PDE1A: variants seen among roughly 807,000 people sequenced by gnomAD.
PDE1A encodes the protein phosphodiesterase 1A.
PDE1A carries 35 observed loss-of-function variants against 61.7 expected under a neutral mutation model. That is an observed-to-expected ratio of 0.57 (90% CI 0.43 to 0.75). PDE1A has a LOEUF of 0.75. Among genes scored for constraint, PDE1A ranks in the 30% least tolerant of loss-of-function variants. The pLI is 0.00. For missense variants in PDE1A, 597 were observed against 630.6 expected, an observed-to-expected ratio of 0.95 and a Z score of 0.57; for synonymous variants, 232 against 213.2, an observed-to-expected ratio of 1.09 and a Z score of -0.77.
chr2:182,642,126 C>T, the PDE1A span, among the ~76,000 whole-genome samples: 3 of 152,268 alleles, frequency 2.0e-5, no homozygotes, highest in South Asian at 2.1e-4. Context: ...ATATGGAATC[C>T]TGCAAATTAT....
chr2:182,505,241 G>C (rs746534318), intron 2 of PDE1A, among the ~76,000 whole-genome samples: 1 of 152,138 alleles, frequency 6.6e-6, no homozygotes, highest in East Asian at 1.9e-4. Flanking sequence ...CAGTTTTCCT[G>C]GTATATGTGT....
chr2:182,590,790 T>C, the PDE1A span, among the ~76,000 whole-genome samples: 6 of 152,138 alleles, frequency 3.9e-5, no homozygotes, highest in African/African-American at 4.8e-5. Context: ...TTACGTAAAA[T>C]TGAGAAAAGC....
chr2:182,454,092 A>G (rs1411009431), intron 2 of PDE1A, among the ~76,000 whole-genome samples: 5 of 151,962 alleles, frequency 3.3e-5, no homozygotes, highest in African/African-American at 9.7e-5. Flanking sequence ...AAATCAATGT[A>G]CAAAAATCAC....
At chr2:182,218,578 C>T (rs1209034128) in intron 7 of PDE1A, among the ~76,000 whole-genome samples, 2 of 152,074 alleles carry the variant, frequency 1.3e-5, no homozygotes, top group Non-Finnish European at 2.9e-5. Flanking sequence ...CACCCCAGTC[C>T]CTCATAACCA....
the PDE1A span, among the ~76,000 whole-genome samples, chr2:182,694,516 C>T: frequency 1.3e-5 from 2 of 152,114 alleles, no homozygotes; most frequent in Admixed American, 1.3e-4. Flanking sequence ...AAAGGGCAGT[C>T]AGGTTTGAAA....
intron 2 of PDE1A, among the ~76,000 whole-genome samples, chr2:182,469,542 C>T (rs969052274): frequency 2.6e-5 from 4 of 151,932 alleles, no homozygotes; most frequent in African/African-American, 9.7e-5. Context: ...AAAACTTTCT[C>T]CATATCAGCA....
At chr2:182,518,140 T>C (rs984522374) in intron 2 of PDE1A, among the ~76,000 whole-genome samples, 1 of 152,224 alleles carries the variant, frequency 6.6e-6, no homozygotes, top group African/African-American at 2.4e-5. Flanking sequence ...GGATCAAATT[T>C]GTGTCTTATC....
the PDE1A span, among the ~76,000 whole-genome samples, chr2:182,683,461 A>C: frequency 6.6e-6 from 1 of 152,166 alleles, no homozygotes; most frequent in Non-Finnish European, 1.5e-5. Flanking sequence ...GAGTCCAAAA[A>C]ATAAACTCCA....
intron 1 of PDE1A, among the ~76,000 whole-genome samples, chr2:182,308,554 A>G (rs2125938146): frequency 6.6e-6 from 1 of 152,208 alleles, no homozygotes; most frequent in South Asian, 2.1e-4. Context: ...AACCAGGCAG[A>G]ATATTTTATA....
chr2:182,227,094 ATCTG>A (rs889659925), intron 6 of PDE1A, among the ~76,000 whole-genome samples: 2 of 151,976 alleles, frequency 1.3e-5, no homozygotes, highest in African/African-American at 4.8e-5. Context: ...GCAAACCCAA[ATCTG>A]TCTGATTTCA....
chr2:182,167,765 A>G (rs1246913656), downstream of PDE1A: 1 of 368,770 alleles, frequency 2.7e-6, no homozygotes, highest in Non-Finnish European at 3.8e-6. Flanking sequence ...TCTCACTATA[A>G]TATAAACATG....
chr2:182,554,573 C>T, the PDE1A span, among the ~76,000 whole-genome samples: 1 of 152,164 alleles, frequency 6.6e-6, no homozygotes, highest in Non-Finnish European at 1.5e-5. Flanking sequence ...TATTTCATTG[C>T]TTCTACTTGT....
chr2:182,575,554 G>T, the PDE1A span, among the ~76,000 whole-genome samples: 2 of 151,502 alleles, frequency 1.3e-5, no homozygotes, highest in South Asian at 2.1e-4. Context: ...TTGCTAGGGG[G>T]TGATGGTGAG....
At chr2:182,558,046 C>G in the PDE1A span, among the ~76,000 whole-genome samples, 3 of 152,124 alleles carry the variant, frequency 2.0e-5, no homozygotes, top group Non-Finnish European at 4.4e-5. Context: ...ATCCATTCTT[C>G]TCCTAACATA....
At chr2:182,547,620 G>A in the PDE1A span, among the ~76,000 whole-genome samples, 1 of 152,142 alleles carries the variant, frequency 6.6e-6, no homozygotes, top group East Asian at 1.9e-4. Flanking sequence ...CATAGGAAGT[G>A]TACATAGGCA....
intron 2 of PDE1A, among the ~76,000 whole-genome samples, chr2:182,512,293 T>G (rs953513354): frequency 2.0e-5 from 3 of 152,184 alleles, no homozygotes; most frequent in Admixed American, 1.3e-4. Flanking sequence ...GTCATGGGCC[T>G]GGTCCCAGGC....
chr2:182,303,602 A>G (rs536399769), intron 1 of PDE1A, among the ~76,000 whole-genome samples: 1 of 152,296 alleles, frequency 6.6e-6, no homozygotes, highest in South Asian at 2.1e-4. Context: ...GCTCTAAGTT[A>G]AAGTCACCAG....
At chr2:182,406,234 A>G (rs1702289268) in intron 1 of PDE1A, among the ~76,000 whole-genome samples, 1 of 152,102 alleles carries the variant, frequency 6.6e-6, no homozygotes. Flanking sequence ...TTTACAGATT[A>G]TATTTAGGGG....
chr2:182,229,978 CA>C (rs1689444803), intron 6 of PDE1A, 27 bp downstream of exon 6: 3 of 1,584,602 alleles, frequency 1.9e-6, no homozygotes, highest in Non-Finnish European at 2.6e-6. Flanking sequence ...TCCAAACTAA[CA>C]AACCTCAGTT....
Sources: gnomAD v4.1 joint callset for allele counts (sites outside exome capture counted in the v4.1 genomes callset) on GRCh38, gnomAD v4.1.1 for gene constraint, MANE v1.5 for transcripts, NCBI Gene and HGNC (gene_info 2026-07-23, HGNC 2026-07-21) for gene names.